Variants in SNX3 observed in about 807,000 individuals in gnomAD.
SNX3 encodes sorting nexin 3.
A neutral mutation model predicts 17.7 loss-of-function variants in SNX3; 5 were observed. The ratio of observed to expected loss-of-function variants is 0.28; its 90% CI spans 0.15 to 0.59. The LOEUF (loss-of-function observed/expected upper bound fraction) is 0.59. Ranked by LOEUF, SNX3 falls within the 20% of genes least tolerant of loss-of-function variation. The pLI, the probability that SNX3 is intolerant of heterozygous loss-of-function variation, is 0.88. For missense variants in SNX3, 132 were observed against 206.8 expected, an observed-to-expected ratio of 0.64 and a Z score of 2.22; for synonymous variants, 91 against 76.5, an observed-to-expected ratio of 1.19 and a Z score of -0.99.
intron 2 of SNX3, among the ~76,000 whole-genome samples, chr6:108,219,411 G>T (rs984195487): frequency 6.6e-6 from 1 of 152,034 alleles, no homozygotes; most frequent in Admixed American, 6.6e-5. Flanking sequence ...TTCAAGACCA[G>T]CCTGGGCAAC....
intron 1 of SNX3, among the ~76,000 whole-genome samples, chr6:108,236,061 A>G (rs1775319898): frequency 6.6e-6 from 1 of 152,246 alleles, no homozygotes; most frequent in South Asian, 2.1e-4. Flanking sequence ...TTCATAATTT[A>G]GAAATCTGAT....
In SNX3 at chr6:108,211,303, A is replaced by G. The variant is rs1323584297; in HGVS notation, c.*846T>C. 1.3e-5 allele frequency: 2 copies of G among 152,234 alleles called. No homozygotes were observed. Among genetic ancestry groups the G allele is most frequent in the African/African-American group, 4.8e-5 (2 of 41,468 alleles). 9.4% of individuals were successfully genotyped at this position (152,234 alleles called of 1,614,324 possible). A position where few individuals can be genotyped will look rare whatever the true frequency, so the allele number is the denominator to read the frequency against. On this transcript the variant is annotated 3_prime_UTR_variant, in exon 4 of 4. Coordinates refer to ENST00000230085, the MANE Select transcript of SNX3 (RefSeq NM_003795.6). ...CAAAGTGCTTCAAAATGATTCAATA[A>G]GCCTTAAGCAATACATTTTTTAGTA... is the stretch of plus-strand genomic sequence containing the variant.
chr6:108,237,816 G>C (rs1477710927), intron 1 of SNX3, among the ~76,000 whole-genome samples: 1 of 151,312 alleles, frequency 6.6e-6, no homozygotes, highest in East Asian at 2.0e-4. Flanking sequence ...TACCATGATG[G>C]GCTGGGTGTA....
At chr6:108,237,471 T>G (rs1322563691) in intron 1 of SNX3, among the ~76,000 whole-genome samples, 1 of 152,164 alleles carries the variant, frequency 6.6e-6, no homozygotes, top group African/African-American at 2.4e-5. Flanking sequence ...CTAATAAGTG[T>G]ACAACATAAA....
intron 1 of SNX3, among the ~76,000 whole-genome samples, chr6:108,236,423 GC>G (rs1189776586): frequency 7.3e-6 from 1 of 137,542 alleles, no homozygotes; most frequent in Non-Finnish European, 1.5e-5. Context: ...TCGCTCTGTC[GC>G]CCAGGCTGGA....
At chr6:108,248,466 T>TA (rs1775756143) in intron 1 of SNX3, among the ~76,000 whole-genome samples, 1 of 152,144 alleles carries the variant, frequency 6.6e-6, no homozygotes, top group Non-Finnish European at 1.5e-5. Context: ...AAGTACTCAA[T>TA]AAATCAACTG....
intron 1 of SNX3, among the ~76,000 whole-genome samples, chr6:108,230,298 T>C (rs774490957): frequency 1.2e-4 from 18 of 152,142 alleles, no homozygotes; most frequent in Non-Finnish European, 2.2e-4. Flanking sequence ...AGAAGTTGCT[T>C]AGTATCAGGC....
At chr6:108,237,431 T>TAA (rs1402368259) in intron 1 of SNX3, among the ~76,000 whole-genome samples, 39 of 152,190 alleles carry the variant, frequency 2.6e-4, no homozygotes, top group Non-Finnish European at 3.2e-4. Context: ...TGGCAGCTCA[T>TAA]TAGCCATTAA....
chr6:108,219,069 C>T (rs900281488), intron 2 of SNX3, among the ~76,000 whole-genome samples: 8 of 152,126 alleles, frequency 5.3e-5, no homozygotes, highest in East Asian at 1.9e-4. Context: ...AAAACAAAAG[C>T]GGTCGGGCGG....
intron 1 of SNX3, among the ~76,000 whole-genome samples, chr6:108,247,069 T>G (rs957331259): frequency 6.6e-6 from 1 of 152,206 alleles, no homozygotes; most frequent in Non-Finnish European, 1.5e-5. Flanking sequence ...AGTTCCCCTA[T>G]GCTCTTCTCG....
intron 1 of SNX3, among the ~76,000 whole-genome samples, chr6:108,235,194 T>C (rs1775287616): frequency 6.6e-6 from 1 of 152,306 alleles, no homozygotes; most frequent in Non-Finnish European, 1.5e-5. Context: ...GGAACATTTG[T>C]TCATAAAGAC....
At chr6:108,243,754 G>C (rs186978634) in intron 1 of SNX3, among the ~76,000 whole-genome samples, 1 of 152,128 alleles carries the variant, frequency 6.6e-6, no homozygotes, top group Non-Finnish European at 1.5e-5. Context: ...TCAACATGGT[G>C]AATCTCCGTC....
rs1244018548 is a variant in SNX3, at chr6:108,252,764, T to C, written c.162+7996A>G. Among the ~76,000 whole-genome samples, 3 of 151,916 alleles carry C rather than the reference T, an allele frequency of 2.0e-5. No individual in the cohort carries two copies. In the East Asian group the frequency reaches 5.8e-4, roughly 29 times the overall value. On this transcript the variant is annotated intron_variant, in intron 1 of 3. Transcript: ENST00000230085. ...ACGCAATCTTTGTGCCTCAGCCCCC[T>C]GAGTAGCTGGGATTATAGGCATGCA... is the stretch of plus-strand genomic sequence containing the variant.
intron 1 of SNX3, among the ~76,000 whole-genome samples, chr6:108,223,385 G>A (rs528188252): frequency 1.5e-4 from 23 of 151,530 alleles, no homozygotes; most frequent in Admixed American, 3.9e-4. Context: ...TGATCCGCCC[G>A]CCTCGGCCTC....
At chr6:108,240,827 C>T (rs1159434052) in intron 1 of SNX3, among the ~76,000 whole-genome samples, 2 of 152,134 alleles carry the variant, frequency 1.3e-5, no homozygotes, top group East Asian at 3.9e-4. Flanking sequence ...TGATTAACTC[C>T]CAAGTATCTG....
At chr6:108,244,752 G>C (rs1775632999) in intron 1 of SNX3, among the ~76,000 whole-genome samples, 1 of 132,524 alleles carries the variant, frequency 7.5e-6, no homozygotes, top group African/African-American at 2.9e-5. Flanking sequence ...AAGAAATTCT[G>C]TCTCAGCTTT....
chr6:108,252,450 C>T (rs1423191031), intron 1 of SNX3: 1 of 152,284 alleles, frequency 6.6e-6, no homozygotes, highest in Non-Finnish European at 1.5e-5. Context: ...ATCTCAGAAG[C>T]TAAGCGGGGT....
At chr6:108,233,898 G>T (rs1478711364) in intron 1 of SNX3, among the ~76,000 whole-genome samples, 1 of 152,162 alleles carries the variant, frequency 6.6e-6, no homozygotes, top group Non-Finnish European at 1.5e-5. Flanking sequence ...TGAGAATGGA[G>T]TGTAAAGTCA....
chr6:108,231,123 T>G (rs1775136693), intron 1 of SNX3, among the ~76,000 whole-genome samples: 2 of 151,310 alleles, frequency 1.3e-5, no homozygotes, highest in Admixed American at 1.3e-4. Context: ...TTTTTTTTTT[T>G]GAGACACAGT....
Sources: gnomAD v4.1 joint callset for allele counts (sites outside exome capture counted in the v4.1 genomes callset) on GRCh38, gnomAD v4.1.1 for gene constraint, MANE v1.5 for transcripts, NCBI Gene and HGNC (gene_info 2026-07-23, HGNC 2026-07-21) for gene names.